The following NELL1 variants were observed in gnomAD, a reference collection of about 807,000 sequenced individuals.
NELL1 encodes the protein protein kinase C-binding protein NELL1.
In NELL1, 76 loss-of-function variants were observed where a neutral mutation model predicts 107.4. The ratio of observed to expected loss-of-function variants is 0.71; its 90% CI spans 0.59 to 0.86. The LOEUF (loss-of-function observed/expected upper bound fraction) is 0.86. NELL1 is among the 40% of genes least tolerant of loss of function. The pLI is 0.00. For synonymous variants in NELL1, 353 were observed against 341.2 expected, an observed-to-expected ratio of 1.03 and a Z score of -0.38; for missense variants, 1,024 against 1,005.5, an observed-to-expected ratio of 1.02 and a Z score of -0.25.
chr11:20,778,841 G>A (rs1856800604), intron 2 of NELL1, among the ~76,000 whole-genome samples: 2 of 152,148 alleles, frequency 1.3e-5, no homozygotes, highest in Admixed American at 1.3e-4. Flanking sequence ...AAAATATCTA[G>A]GAGGAAACAG....
chr11:20,948,887 A>G (rs1225627126), intron 11 of NELL1, among the ~76,000 whole-genome samples: 3 of 152,066 alleles, frequency 2.0e-5, no homozygotes, highest in Non-Finnish European at 4.4e-5. Flanking sequence ...TGAGCTTTGA[A>G]GCTTCCAGAG....
intron 14 of NELL1, among the ~76,000 whole-genome samples, chr11:21,329,607 C>T (rs760806969): frequency 6.6e-6 from 1 of 152,044 alleles, no homozygotes; most frequent in African/African-American, 2.4e-5. Context: ...TATAAATTAT[C>T]CTTCTTTTTA....
intron 2 of NELL1, among the ~76,000 whole-genome samples, chr11:20,744,756 C>T (rs1400901817): frequency 6.6e-6 from 1 of 152,176 alleles, no homozygotes; most frequent in Non-Finnish European, 1.5e-5. Flanking sequence ...TTCATACGGT[C>T]AAACTCAACA....
intron 14 of NELL1, among the ~76,000 whole-genome samples, chr11:21,282,839 G>C (rs1849028652): frequency 6.6e-6 from 1 of 152,118 alleles, no homozygotes. Flanking sequence ...GTACTATTCA[G>C]CCATAAAAAA....
intron 13 of NELL1, among the ~76,000 whole-genome samples, chr11:21,217,036 G>T (rs867266455): frequency 3.7e-4 from 56 of 152,214 alleles, no homozygotes; most frequent in Admixed American, 3.3e-4. Context: ...AAGTAATTTA[G>T]TCATGAGGGT....
At chr11:21,288,248 A>G (rs944554001) in intron 14 of NELL1, among the ~76,000 whole-genome samples, 2 of 152,166 alleles carry the variant, frequency 1.3e-5, no homozygotes, top group African/African-American at 4.8e-5. Context: ...TCAGTCTATG[A>G]AACTATCTTA....
chr11:21,553,679 A>ATGTT (rs1354776826), intron 16 of NELL1, among the ~76,000 whole-genome samples: 1 of 151,782 alleles, frequency 6.6e-6, no homozygotes, highest in African/African-American at 2.4e-5. Context: ...AACTTAACAA[A>ATGTT]TGTTTATGCA....
At chr11:21,080,276 A>G (rs540887382) in intron 12 of NELL1, among the ~76,000 whole-genome samples, 1 of 152,250 alleles carries the variant, frequency 6.6e-6, no homozygotes, top group South Asian at 2.1e-4. Flanking sequence ...AAATGTGTTA[A>G]TATAGCTACC....
intron 14 of NELL1, among the ~76,000 whole-genome samples, chr11:21,238,091 C>T (rs1858256390): frequency 6.6e-6 from 1 of 152,024 alleles, no homozygotes; most frequent in African/African-American, 2.4e-5. Flanking sequence ...TCCTTCTTCA[C>T]ATAGTAGACT....
chr11:21,543,121 G>T (rs1856334845), intron 16 of NELL1, among the ~76,000 whole-genome samples: 1 of 151,918 alleles, frequency 6.6e-6, no homozygotes, highest in Non-Finnish European at 1.5e-5. Flanking sequence ...AACACTCATG[G>T]ATTTTCTCTC....
chr11:21,309,269 T>TATATA (rs1554999483), intron 14 of NELL1, among the ~76,000 whole-genome samples: 2 of 36,984 alleles, frequency 5.4e-5, no homozygotes, highest in African/African-American at 2.0e-4. Flanking sequence ...TGTATATATA[T>TATATA]ATATATATAT....
At chr11:20,802,764 G>T (rs145291369) in intron 3 of NELL1, among the ~76,000 whole-genome samples, 228 of 152,006 alleles carry the variant, frequency 1.5e-3, no homozygotes, top group Non-Finnish European at 2.8e-3. Flanking sequence ...GTTATTTGAG[G>T]GTTTTTATCA....
intron 11 of NELL1, among the ~76,000 whole-genome samples, chr11:20,953,908 T>C (rs1331038528): frequency 6.6e-6 from 1 of 152,204 alleles, no homozygotes; most frequent in African/African-American, 2.4e-5. Flanking sequence ...GTAGGATGAA[T>C]GCGGACATGT....
intron 12 of NELL1, among the ~76,000 whole-genome samples, chr11:20,981,341 G>T (rs2134244224): frequency 6.6e-6 from 1 of 152,250 alleles, no homozygotes; most frequent in East Asian, 1.9e-4. Flanking sequence ...TCATAAGTCT[G>T]TTGGTATCTC....
intron 1 of NELL1, among the ~76,000 whole-genome samples, chr11:20,673,863 A>G (rs1054797903): frequency 6.6e-6 from 1 of 151,356 alleles, no homozygotes; most frequent in Non-Finnish European, 1.5e-5. Flanking sequence ...TTATGAGACC[A>G]CACTCACACT....
rs985149409 is a variant in NELL1, at chr11:21,570,721, A to G, written c.1981-43A>G. 12 of 1,583,396 alleles carry G rather than the reference A, an allele frequency of 7.6e-6. No individual in the cohort carries two copies. The South Asian group carries it at 9.1e-5, about 12-fold the overall frequency. On this transcript the variant is annotated intron_variant, in intron 17 of 19. Coordinates refer to ENST00000357134, the MANE Select transcript of NELL1 (RefSeq NM_006157.5). ...ATTTCTCTTAGTGTAGCTGTCCATC[A>G]TGTCCTAAATGATGAAACCTCCTTA...
intron 14 of NELL1, among the ~76,000 whole-genome samples, chr11:21,253,735 C>A (rs761378356): frequency 6.6e-6 from 1 of 152,032 alleles, no homozygotes; most frequent in Non-Finnish European, 1.5e-5. Context: ...CTATAATAGT[C>A]AGTCAGCCAA....
At chr11:20,723,687 C>T (rs956923454) in intron 2 of NELL1, among the ~76,000 whole-genome samples, 3 of 152,096 alleles carry the variant, frequency 2.0e-5, no homozygotes, top group African/African-American at 7.2e-5. Context: ...AGAATGGTGG[C>T]CCTCTTCCAT....
intron 12 of NELL1, among the ~76,000 whole-genome samples, chr11:21,064,907 A>C (rs1257788614): frequency 6.6e-6 from 1 of 152,200 alleles, no homozygotes; most frequent in Non-Finnish European, 1.5e-5. Context: ...ATTCCTCAGC[A>C]ATCATTATGC....
Sources: allele counts gnomAD v4.1 joint callset (sites outside exome capture counted in the v4.1 genomes callset), GRCh38; gene constraint gnomAD v4.1.1; transcripts MANE v1.5; gene names NCBI Gene and HGNC (gene_info 2026-07-23, HGNC 2026-07-21).